Variants in UGGT2 observed in about 807,000 individuals in gnomAD.
UGGT2 encodes UDP-glucose:glycoprotein glucosyltransferase 2.
Under a neutral mutation model 192.1 loss-of-function variants are expected in UGGT2, and 180 were observed. The ratio of observed to expected loss-of-function variants is 0.94; its 90% CI spans 0.83 to 1.06. The LOEUF is 1.06. UGGT2 is among the 50% of genes least tolerant of loss of function. UGGT2 has a pLI of 0.00. For missense variants in UGGT2, 1,849 were observed against 1,795.7 expected (o/e 1.03, Z -0.54); for synonymous variants, 580 against 591.0 (o/e 0.98, Z 0.27).
At position 95,947,457 on chromosome 13, in the gene UGGT2, T is replaced by TA. The variant is rs1299346142; in HGVS notation, c.1542-286_1542-285insT. Among the ~76,000 whole-genome samples the TA allele has an allele frequency of 2.0e-4, 24 of 123,000 alleles. 1 individual carries two copies. The highest frequency in any genetic ancestry group is 1.8e-3 in the South Asian group (7 of 3,824). 80.7% of individuals were successfully genotyped at this position (123,000 alleles called of 152,430 possible). A position where few individuals can be genotyped will look rare whatever the true frequency, so the allele number is the denominator to read the frequency against. ...AAAGGGTAAATATACTCTTTTTATT[T>TA]TTATTTTTTTTGAGACAAGAGTCTC... On this transcript the variant is annotated intron_variant, in intron 14 of 38. Transcript: ENST00000376747.
intron 20 of UGGT2, among the ~76,000 whole-genome samples, chr13:95,904,840 T>A (rs1404709447): frequency 6.6e-6 from 1 of 151,348 alleles, no homozygotes; most frequent in Non-Finnish European, 1.5e-5. Flanking sequence ...CAAATGGTAT[T>A]TCTAGTTCTA....
chr13:96,004,854 C>T (rs1233661997), intron 5 of UGGT2, among the ~76,000 whole-genome samples: 1 of 151,890 alleles, frequency 6.6e-6, no homozygotes, highest in African/African-American at 2.4e-5. Flanking sequence ...TAGAATGTCT[C>T]ATCTTTCTCT....
At chr13:95,869,198 C>T (rs1890993652) in intron 29 of UGGT2, among the ~76,000 whole-genome samples, 1 of 151,936 alleles carries the variant, frequency 6.6e-6, no homozygotes, top group Non-Finnish European at 1.5e-5. Context: ...TCATCCATGT[C>T]CCTACAAAGG....
chr13:96,037,616 T>C (rs557586674), intron 1 of UGGT2, among the ~76,000 whole-genome samples: 2 of 152,338 alleles, frequency 1.3e-5, no homozygotes, highest in South Asian at 2.1e-4. Context: ...CTGAAAAATA[T>C]CTGTGTGTGT....
At chr13:95,878,205 GAAAGCTAACTTACT>G (rs1024021681) in intron 27 of UGGT2, among the ~76,000 whole-genome samples, 2 of 152,006 alleles carry the variant, frequency 1.3e-5, no homozygotes, top group Admixed American at 6.5e-5. Flanking sequence ...GACTTGGCAA[GAAAGCTAACTTACT>G]ATCTATTGGC....
chr13:95,850,925 C>T (rs1271591182), intron 36 of UGGT2, among the ~76,000 whole-genome samples: 1 of 152,208 alleles, frequency 6.6e-6, no homozygotes, highest in African/African-American at 2.4e-5. Context: ...ACCCCCTTAC[C>T]TGGGGCAGCC....
Position 95,807,716 on chromosome 13 carries a change from C to CTTTTTTTTTTTTTTTTTTTTTTTTTTTT in UGGT2, c.4529-5905_4529-5904insAAAAAAAAAAAAAAAAAAAAAAAAAAAA. The stretch of plus-strand genomic sequence containing the variant: ...GTATCTTGAAACCCTCAGCCCTCAC[C>CTTTTTTTTTTTTTTTTTTTTTTTTTTTT]TTTTTTTTTTTTTTTTTTTGCCGTA... On this transcript the variant is annotated intron_variant, in intron 38 of 38. Transcript: ENST00000376747. Among the ~76,000 whole-genome samples the CTTTTTTTTTTTTTTTTTTTTTTTTTTTT allele has an allele frequency of 1.3e-4, 10 of 78,702 alleles. 1 individual carries two copies. The highest frequency in any genetic ancestry group is 2.0e-4 in the Non-Finnish European group (8 of 39,064). 51.6% of individuals were successfully genotyped at this position (78,702 alleles called of 152,430 possible). A position where few individuals can be genotyped will look rare whatever the true frequency, so the allele number is the denominator to read the frequency against.
chr13:95,823,437 A>G (rs1885698382), intron 38 of UGGT2, among the ~76,000 whole-genome samples: 1 of 152,038 alleles, frequency 6.6e-6, no homozygotes. Flanking sequence ...TATAAATATG[A>G]GAGCTCCAGT....
chr13:95,969,662 C>G (rs2050704308), intron 12 of UGGT2, among the ~76,000 whole-genome samples: 3 of 152,196 alleles, frequency 2.0e-5, no homozygotes, highest in African/African-American at 7.2e-5. Flanking sequence ...CACTTCTCTG[C>G]TTAAGCAAGA....
intron 10 of UGGT2, among the ~76,000 whole-genome samples, chr13:95,977,038 C>T (rs559855306): frequency 5.3e-5 from 8 of 152,240 alleles, no homozygotes; most frequent in Non-Finnish European, 1.0e-4. Context: ...ACACCTTATA[C>T]AAAAACTAAC....
chr13:96,015,471 C>T (rs2052306456), intron 4 of UGGT2, among the ~76,000 whole-genome samples: 1 of 152,044 alleles, frequency 6.6e-6, no homozygotes, highest in Non-Finnish European at 1.5e-5. Context: ...AGACACATAA[C>T]TTTCAAAATT....
chr13:95,980,083 T>C (rs528959167), intron 10 of UGGT2, among the ~76,000 whole-genome samples: 12 of 152,158 alleles, frequency 7.9e-5, no homozygotes, highest in Non-Finnish European at 1.5e-4. Context: ...GAAAACAATG[T>C]GGAGATTCGT....
intron 36 of UGGT2, among the ~76,000 whole-genome samples, chr13:95,848,340 A>G (rs1424364658): frequency 6.6e-6 from 1 of 152,190 alleles, no homozygotes; most frequent in Non-Finnish European, 1.5e-5. Context: ...ACGGATCATG[A>G]CTTTGGTGTT....
chr13:95,929,431 C>T (rs1463556690), intron 17 of UGGT2, among the ~76,000 whole-genome samples: 3 of 152,162 alleles, frequency 2.0e-5, no homozygotes, highest in African/African-American at 7.2e-5. Flanking sequence ...AGTTTTCCAA[C>T]CCTTCCCTGA....
chr13:95,989,127 A>C (rs1171915366), intron 8 of UGGT2, among the ~76,000 whole-genome samples: 2 of 152,106 alleles, frequency 1.3e-5, no homozygotes, highest in Non-Finnish European at 2.9e-5. Flanking sequence ...CAACTGTGTT[A>C]AGAGTGGCAG....
At chr13:95,892,262 A>G (rs2047823119) in intron 24 of UGGT2, among the ~76,000 whole-genome samples, 1 of 152,158 alleles carries the variant, frequency 6.6e-6, no homozygotes, top group South Asian at 2.1e-4. Flanking sequence ...ATCTGATTAT[A>G]CATGTACAAG....
chr13:96,020,498 A>G (rs764323428), intron 4 of UGGT2, among the ~76,000 whole-genome samples: 4 of 152,230 alleles, frequency 2.6e-5, no homozygotes, highest in Non-Finnish European at 5.9e-5. Flanking sequence ...CATTGACAGC[A>G]TTCACAGTAT....
intron 26 of UGGT2, among the ~76,000 whole-genome samples, chr13:95,886,513 A>G (rs73558630): frequency 0.021 from 3,220 of 152,294 alleles, 107 homozygotes; most frequent in African/African-American, 0.074. Flanking sequence ...AAAATTCTGT[A>G]CTTATGGAAC....
At chr13:95,904,746 C>T (rs1213275811) in intron 20 of UGGT2, among the ~76,000 whole-genome samples, 1 of 152,100 alleles carries the variant, frequency 6.6e-6, no homozygotes, top group Non-Finnish European at 1.5e-5. Flanking sequence ...AACAATGCCG[C>T]AATAAACATA....
Sources: gnomAD v4.1 joint callset for allele counts (sites outside exome capture counted in the v4.1 genomes callset) on GRCh38, gnomAD v4.1.1 for gene constraint, MANE v1.5 for transcripts, NCBI Gene and HGNC (gene_info 2026-07-23, HGNC 2026-07-21) for gene names.